ABCC10: variants seen among roughly 807,000 people sequenced by gnomAD.
ABCC10 encodes ATP-binding cassette sub-family C member 10.
In ABCC10, 110 loss-of-function variants were observed where a neutral mutation model predicts 143.2. The observed-to-expected ratio is 0.77, with a 90% confidence interval of 0.66 to 0.90. The LOEUF is 0.90. ABCC10 is among the 40% of genes least tolerant of loss of function. ABCC10 has a pLI of 0.00. For missense variants in ABCC10, 1,700 were observed against 1,900.5 expected, an observed-to-expected ratio of 0.89 and a Z score of 1.96; for synonymous variants, 805 against 846.7, an observed-to-expected ratio of 0.95 and a Z score of 0.85.
In ABCC10 at chr6:43,445,199, C is replaced by T. The variant is rs774604430; in HGVS notation, c.2915C>T (p.Ala972Val). The change falls in exon 14 of 22, where the codon GCG becomes GTG. Residue 972 changes from alanine to valine, a missense_variant. Transcript: ENST00000372530. ...ATCCGTTTCTACCTCACCGTGTATGCGACCATTGCTGGTGTAAATTCCCTC... is the reference window on the plus strand; with the variant it reads ...ATCCGTTTCTACCTCACCGTGTATGTGACCATTGCTGGTGTAAATTCCCTC... The part of the protein sequence containing the change: ...SDIRFYLTVY[A>V]TIAGVNSLCT... 1.6e-5 allele frequency: 26 copies of T among 1,613,984 alleles called. No individual in the cohort carries two copies. In the Admixed American group the frequency reaches 4.2e-4, roughly 26 times the overall value.
chr6:43,439,958 T>C (rs1260274941), intron 8 of ABCC10, among the ~76,000 whole-genome samples: 1 of 151,536 alleles, frequency 6.6e-6, no homozygotes, highest in African/African-American at 2.4e-5. Context: ...TATAGGTTTT[T>C]ACTTTTTCGT....
chr6:43,430,727 CTTT>C (rs751900856), intron 2 of ABCC10: 2 of 141,246 alleles, frequency 1.4e-5, no homozygotes, highest in Non-Finnish European at 3.1e-5. Context: ...GTATTTGATT[CTTT>C]TTTTTTTTTT....
chr6:43,447,859 T>A lies in ABCC10; in HGVS notation c.3881T>A (p.Phe1294Tyr), dbSNP rs1213376368. The change falls in exon 18 of 22, where the codon TTC becomes TAC. Residue 1294 changes from phenylalanine (F) to tyrosine (Y), a missense_variant. By Grantham distance (22) the Phe-to-Tyr change is conservative. Transcript: ENST00000372530. ...AAGTCTTCCCTGTTGTTGGTGCTCTTCCGGCTGCTAGAGCCCAGTTCAGGG... is the reference window on the plus strand; with the variant it reads ...AAGTCTTCCCTGTTGTTGGTGCTCTACCGGCTGCTAGAGCCCAGTTCAGGG... ...SGKSSLLLVL[F>Y]RLLEPSSGRV... 6.2e-7 allele frequency: 1 copy of A among 1,613,890 alleles called. No homozygotes were observed. The highest frequency in any genetic ancestry group is 1.7e-5 in the Admixed American group (1 of 60,024).
chr6:43,447,478 TTTC>T, intron 17 of ABCC10, 70 bp downstream of exon 17: 3 of 1,570,220 alleles, frequency 1.9e-6, no homozygotes, highest in Non-Finnish European at 2.6e-6. Context: ...TCACAATTCC[TTTC>T]TTTTTGCCCA....
At chr6:43,446,583 C>T (rs1176103464) in intron 16 of ABCC10, 137 bp downstream of exon 16, 2 of 1,429,948 alleles carry the variant, frequency 1.4e-6, no homozygotes, top group Non-Finnish European at 1.8e-6. Context: ...TGATTATCAT[C>T]ATCACCCCCG....
chr6:43,438,775 G>A lies in ABCC10; in HGVS notation c.2107G>A (p.Ala703Thr), dbSNP rs140043327. Residue 703 changes from alanine (A) to threonine (T), a missense_variant, in exon 8 of 22, where the codon GCC becomes ACC. Physicochemically the swap from Ala to Thr is moderately conservative, Grantham distance 58. Coordinates refer to ENST00000372530, the MANE Select transcript of ABCC10 (RefSeq NM_001198934.2). ...QLYKEVLEAC[A>T]LNDDLSILPA... ...GTACAAGGAGGTGCTAGAAGCCTGCGCCCTCAATGATGACCTCAGTGTGAG... is the reference window on the plus strand; with the variant it reads ...GTACAAGGAGGTGCTAGAAGCCTGCACCCTCAATGATGACCTCAGTGTGAG... The A allele has an allele frequency of 2.0e-5, 33 of 1,614,162 alleles. No homozygotes were observed. Among genetic ancestry groups the A allele is most frequent in the East Asian group, 1.1e-4 (5 of 44,882 alleles).
At chr6:43,448,231 C>T (rs1451022873) in intron 18 of ABCC10, 2 of 513,784 alleles carry the variant, frequency 3.9e-6, no homozygotes, top group Admixed American at 5.1e-5. Flanking sequence ...ATACTGATCC[C>T]CTGAGTCCTA....
intron 15 of ABCC10, 33 bp from the exon 16 acceptor site, chr6:43,446,243 TG>T: frequency 6.3e-7 from 1 of 1,597,848 alleles, no homozygotes; most frequent in South Asian, 1.1e-5. Flanking sequence ...AGGGCAACAG[TG>T]GAGTGGCTTC....
Position 43,436,231 on chromosome 6 carries a change from A to T in ABCC10, c.1859A>T (p.His620Leu). 1 of 1,613,974 alleles carries T rather than the reference A, an allele frequency of 6.2e-7. No homozygotes were observed. The highest frequency in any genetic ancestry group is 1.3e-5 in the African/African-American group (1 of 75,040). Residue 620 changes from histidine to leucine, a missense_variant, in exon 6 of 22, where the codon CAT becomes CTT. By Grantham distance (99) the His-to-Leu change is moderately conservative. Coordinates refer to ENST00000372530, the MANE Select transcript of ABCC10 (RefSeq NM_001198934.2). ...ACCAGCCTGGAGACCTTCATCAGTC[A>T]TCTCGAAGTGAAAAAGGTTTGTTGG... ...VGTSLETFISHLEVKKGMLVG... is the reference protein window; with the variant it reads ...VGTSLETFISLLEVKKGMLVG...
intron 8 of ABCC10, among the ~76,000 whole-genome samples, chr6:43,439,765 G>A (rs767725615): frequency 3.9e-5 from 6 of 151,968 alleles, no homozygotes; most frequent in Non-Finnish European, 8.8e-5. Flanking sequence ...TGTATTTCTA[G>A]TAGAAACAGG....
At chr6:43,437,900 A>G (rs760921240) in intron 6 of ABCC10, 34 bp from the exon 7 acceptor site, 1 of 1,602,312 alleles carries the variant, frequency 6.2e-7, no homozygotes, top group South Asian at 1.1e-5. Flanking sequence ...CCTGTCTCCT[A>G]CCAATAGCAG....
At position 43,428,116 on chromosome 6, in the gene ABCC10, T is replaced by G; in HGVS notation, c.138T>G (p.Ser46Arg). 6.5e-7 allele frequency: 1 copy of G among 1,543,890 alleles called. No individual in the cohort carries two copies. The highest frequency in any genetic ancestry group is 2.4e-5 in the East Asian group (1 of 41,028). The change falls in exon 2 of 22, where the codon AGT becomes AGG. Residue 46 changes from serine (S) to arginine (R), a missense_variant. Physicochemically the swap from Ser to Arg is moderately radical, Grantham distance 110. Transcript: ENST00000372530. ...ALPHALLAVL[S>R]ACYLGTPRSP... The stretch of plus-strand genomic sequence containing the variant: ...CCCACGCGCTCCTCGCCGTGCTCAG[T>G]GCCTGTTACTTGGGCACCCCGAGGT...
At chr6:43,451,642 A>G (rs1783747499), downstream of ABCC10, among the ~76,000 whole-genome samples, 2 of 152,076 alleles carry the variant, frequency 1.3e-5, no homozygotes, top group Non-Finnish European at 2.9e-5. The surrounding 1 kb of genome is among the most constrained non-coding windows in gnomAD (Gnocchi z 4.4). Flanking sequence ...TCAGGAGAGG[A>G]TGAGGAGAGA....
At chr6:43,445,551 C>T in intron 14 of ABCC10, 48 bp from the exon 15 acceptor site, 1 of 1,570,346 alleles carries the variant, frequency 6.4e-7, no homozygotes, top group Non-Finnish European at 8.7e-7. Flanking sequence ...CCTGCCAACC[C>T]CTCTTCTGCC....
intron 21 of ABCC10, 82 bp from the exon 22 acceptor site, chr6:43,449,847 G>T: frequency 6.6e-7 from 1 of 1,505,804 alleles, no homozygotes; most frequent in South Asian, 1.2e-5. Flanking sequence ...GTGTCCCGAG[G>T]GGAGAGGAGG....
Position 43,443,278 on chromosome 6 carries a change from CGCCT to C in ABCC10, c.2416+120_2416+123del. The stretch of plus-strand genomic sequence containing the variant: ...CCCTGAGCCAGTCATTGCTGCCTCC[CGCCT>C]TCACAGAACTGGTGTGAGGAACTGG... On this transcript the variant is annotated intron_variant, in intron 10 of 21. Coordinates refer to ENST00000372530, the MANE Select transcript of ABCC10 (RefSeq NM_001198934.2). The surrounding 1 kb of genome is among the most constrained non-coding windows in gnomAD (Gnocchi z 4.2). The C allele has an allele frequency of 9.4e-7, 1 of 1,061,232 alleles. No homozygotes were observed. The highest frequency in any genetic ancestry group is 1.3e-6 in the Non-Finnish European group (1 of 770,618). The allele number at this position is 1,061,232 out of a possible 1,614,324, so 65.7% of individuals were successfully genotyped here.
At chr6:43,437,691 G>A (rs183980318) in intron 6 of ABCC10, among the ~76,000 whole-genome samples, 31 of 152,232 alleles carry the variant, frequency 2.0e-4, no homozygotes, top group Admixed American at 2.0e-3. Context: ...CCCCTTCAGA[G>A]GCCCTTCACA....
At chr6:43,429,360 TTC>T (rs1780855338) in intron 2 of ABCC10, among the ~76,000 whole-genome samples, 2 of 145,500 alleles carry the variant, frequency 1.4e-5, no homozygotes, top group African/African-American at 2.6e-5. Context: ...TTTTCTTTCT[TTC>T]TTTTCTTTCT....
intron 2 of ABCC10, among the ~76,000 whole-genome samples, chr6:43,429,191 G>A (rs1473491184): frequency 2.0e-5 from 3 of 152,190 alleles, no homozygotes; most frequent in Admixed American, 2.0e-4. Flanking sequence ...CACCATACTG[G>A]TGAGGAAAGT....
Sources: allele counts gnomAD v4.1 joint callset (sites outside exome capture counted in the v4.1 genomes callset), GRCh38; gene constraint gnomAD v4.1.1; non-coding constraint Gnocchi (gnomAD v3.1); transcripts MANE v1.5; gene names NCBI Gene and HGNC (gene_info 2026-07-23, HGNC 2026-07-21).